The following TAFA1 variants were observed in gnomAD, a reference collection of about 807,000 sequenced individuals.
TAFA1 encodes chemokine-like protein TAFA-1.
A neutral mutation model predicts 18.5 loss-of-function variants in TAFA1; 4 were observed. The observed-to-expected ratio is 0.22, with a 90% CI of 0.11 to 0.49. TAFA1 has a LOEUF of 0.49. TAFA1 is among the 20% of genes least tolerant of loss of function. TAFA1 has a pLI of 0.98. For synonymous variants in TAFA1, 56 were observed against 55.2 expected, an observed-to-expected ratio of 1.01 and a Z score of -0.06; for missense variants, 147 against 169.0, an observed-to-expected ratio of 0.87 and a Z score of 0.72.
At chr3:68,522,752 G>A (rs903493108) in intron 3 of TAFA1, among the ~76,000 whole-genome samples, 1 of 152,114 alleles carries the variant, frequency 6.6e-6, no homozygotes, top group Non-Finnish European at 1.5e-5. Context: ...TGGAGGCTGA[G>A]GCAGGAGAAC....
chr3:68,108,558 C>T (rs2065230053), intron 2 of TAFA1, among the ~76,000 whole-genome samples: 1 of 151,872 alleles, frequency 6.6e-6, no homozygotes, highest in Non-Finnish European at 1.5e-5. Flanking sequence ...GATTCCACAA[C>T]ATTTGTTGGT....
intron 2 of TAFA1, among the ~76,000 whole-genome samples, chr3:68,258,915 C>T (rs186869960): frequency 2.6e-5 from 4 of 152,304 alleles, no homozygotes; most frequent in African/African-American, 4.8e-5. Context: ...TCACCTAGAC[C>T]CTTGGAAATA....
At chr3:68,016,945 C>A (rs1038515023) in intron 2 of TAFA1, among the ~76,000 whole-genome samples, 1 of 152,150 alleles carries the variant, frequency 6.6e-6, no homozygotes, top group Non-Finnish European at 1.5e-5. Flanking sequence ...TACTTAAGCA[C>A]TTTTCCACTG....
chr3:68,413,229 A>G (rs1267067619), intron 2 of TAFA1, among the ~76,000 whole-genome samples: 1 of 151,566 alleles, frequency 6.6e-6, no homozygotes, highest in East Asian at 1.9e-4. Flanking sequence ...GGGTTGTTTG[A>G]TTTTTTTCTT....
chr3:68,431,767 C>T (rs2071177764), intron 3 of TAFA1, among the ~76,000 whole-genome samples: 1 of 152,008 alleles, frequency 6.6e-6, no homozygotes, highest in East Asian at 1.9e-4. Flanking sequence ...GCAGACAAAA[C>T]TCCTCAGACA....
chr3:68,240,659 G>A lies in TAFA1; in HGVS notation c.119-176621G>A, dbSNP rs141412956. ...TGTCCTAGCGTCTGAACTGTTAAGT[G>A]TATATCACTCTCCTTTGGAAAGACA... is the stretch of plus-strand genomic sequence containing the variant. On this transcript the variant is annotated intron_variant, in intron 2 of 4. Transcript: ENST00000478136. 1.5e-3 allele frequency among the ~76,000 whole-genome samples: 231 copies of A among 152,276 alleles called. 1 individual carries two copies. The highest frequency in any genetic ancestry group is 5.1e-3 in the African/African-American group (212 of 41,562).
intron 2 of TAFA1, among the ~76,000 whole-genome samples, chr3:68,064,921 T>C (rs2064654962): frequency 6.6e-6 from 1 of 152,080 alleles, no homozygotes. Context: ...AATAAACTAA[T>C]TGCCTTGATA....
At chr3:68,340,904 A>G (rs2069071461) in intron 2 of TAFA1, among the ~76,000 whole-genome samples, 1 of 152,308 alleles carries the variant, frequency 6.6e-6, no homozygotes, top group South Asian at 2.1e-4. Context: ...GATCTGTGCT[A>G]TGAATTCAGA....
intron 2 of TAFA1, among the ~76,000 whole-genome samples, chr3:68,134,527 T>G (rs970325900): frequency 6.6e-6 from 1 of 152,206 alleles, no homozygotes; most frequent in Admixed American, 6.6e-5. Context: ...CAGCTGGTTC[T>G]TACTGTCAGT....
At chr3:68,136,051 CAT>C (rs2065602940) in intron 2 of TAFA1, among the ~76,000 whole-genome samples, 1 of 152,116 alleles carries the variant, frequency 6.6e-6, no homozygotes, top group South Asian at 2.1e-4. Context: ...GATTTTGACT[CAT>C]AGCTCATTTC....
chr3:68,141,115 A>G (rs1696766119), intron 2 of TAFA1, among the ~76,000 whole-genome samples: 1 of 152,206 alleles, frequency 6.6e-6, no homozygotes, highest in Non-Finnish European at 1.5e-5. Flanking sequence ...CCCTTCTGGC[A>G]TTAATAACCT....
rs2065149084 is a variant in TAFA1 at position 68,101,670 on chromosome 3, G to GT, written c.118+94927dup. ...TAAAAAGCAATACTTCCCATGTCTT[G>GT]TGAGAAGACTGAGGCTGAGAAATGC... On this transcript the variant is annotated intron_variant, in intron 2 of 4. Transcript: ENST00000478136. Among the ~76,000 whole-genome samples, 6 of 152,274 alleles carry GT rather than the reference G, an allele frequency of 3.9e-5. No individual in the cohort carries two copies. The South Asian group carries it at 1.2e-3, about 32-fold the overall frequency.
intron 2 of TAFA1, among the ~76,000 whole-genome samples, chr3:68,127,777 ATGGTGGTGGTGGTGATGCTGATGGCAG>A (rs2065486642): frequency 1.1e-5 from 1 of 89,242 alleles, no homozygotes; most frequent in African/African-American, 4.2e-5. Flanking sequence ...GGCAGTGGTG[ATGGTGGTGGTGGTGATGCTGATGGCAG>A]TGGTGGTGGT....
At chr3:68,089,947 T>G (rs964306495) in intron 2 of TAFA1, among the ~76,000 whole-genome samples, 1 of 152,210 alleles carries the variant, frequency 6.6e-6, no homozygotes, top group Non-Finnish European at 1.5e-5. Flanking sequence ...TGAAATTGGC[T>G]GGCTGACCTC....
chr3:68,265,803 G>A (rs764596896), intron 2 of TAFA1, among the ~76,000 whole-genome samples: 1 of 152,156 alleles, frequency 6.6e-6, no homozygotes, highest in Non-Finnish European at 1.5e-5. Flanking sequence ...TGGGCTGCAG[G>A]TGTAGCCCAG....
chr3:68,415,960 A>G (rs551369246), intron 2 of TAFA1, among the ~76,000 whole-genome samples: 8 of 152,202 alleles, frequency 5.3e-5, no homozygotes, highest in Non-Finnish European at 1.2e-4. Context: ...CAACACCTTC[A>G]CAATATCGAT....
intron 3 of TAFA1, among the ~76,000 whole-genome samples, chr3:68,474,625 T>C (rs2072057224): frequency 1.3e-5 from 2 of 152,230 alleles, no homozygotes; most frequent in Admixed American, 1.3e-4. Context: ...CGTGAGAGTA[T>C]AGCAGGTGCT....
intron 2 of TAFA1, among the ~76,000 whole-genome samples, chr3:68,153,018 T>C (rs940842365): frequency 3.9e-5 from 6 of 151,998 alleles, no homozygotes; most frequent in Non-Finnish European, 1.5e-5. Context: ...CAAAGGGAAG[T>C]TGAGTCTTAA....
intron 2 of TAFA1, among the ~76,000 whole-genome samples, chr3:68,165,320 C>T (rs2065971571): frequency 6.6e-6 from 1 of 152,218 alleles, no homozygotes; most frequent in South Asian, 2.1e-4. Flanking sequence ...AACTCCCATG[C>T]ACACAGATTC....
Sources: gnomAD v4.1 joint callset for allele counts (sites outside exome capture counted in the v4.1 genomes callset) on GRCh38, gnomAD v4.1.1 for gene constraint, MANE v1.5 for transcripts, NCBI Gene and HGNC (gene_info 2026-07-23, HGNC 2026-07-21) for gene names.